The following HRH3 variants were observed in gnomAD, a reference collection of about 807,000 sequenced individuals.
HRH3 encodes histamine receptor H3.
In HRH3, 13 loss-of-function variants were observed where a neutral mutation model predicts 21.6. The ratio of observed to expected loss-of-function variants is 0.60; its 90% CI spans 0.39 to 0.96. The LOEUF is 0.96. HRH3 is among the 40% of genes least tolerant of loss of function. The probability of loss-of-function intolerance (pLI) is 0.00; values close to 1 mark genes in which losing one functional copy is unlikely to be tolerated. For synonymous variants in HRH3, 276 were observed against 290.3 expected (o/e 0.95, Z 0.50); for missense variants, 461 against 622.7 (o/e 0.74, Z 2.76).
chr20:62,219,476 C>T lies in HRH3; in HGVS notation c.250+245G>A, dbSNP rs1181119800. ...CTGCACCCGCTGCCTTTGCGCCTTGCGCCTCGCCCAGTGCCCGTGTCCCTT... is the reference window on the plus strand; with the variant it reads ...CTGCACCCGCTGCCTTTGCGCCTTGTGCCTCGCCCAGTGCCCGTGTCCCTT... On this transcript the variant is annotated intron_variant, in intron 1 of 2. Transcript: ENST00000340177. The surrounding 1 kb of genome is among the most constrained non-coding windows in gnomAD (Gnocchi z 8.7). Among the ~76,000 whole-genome samples, 1 of 152,242 alleles carries T rather than the reference C, an allele frequency of 6.6e-6. No individual in the cohort carries two copies. The highest frequency in any genetic ancestry group is 2.4e-5 in the African/African-American group (1 of 41,462).
In HRH3 at chr20:62,219,563, GC is replaced by G. The variant is rs1568807279; in HGVS notation, c.250+157del. 2.6e-5 allele frequency among the ~76,000 whole-genome samples: 4 copies of G among 152,024 alleles called. No individual in the cohort carries two copies. The highest frequency in any genetic ancestry group is 2.1e-4 in the South Asian group (1 of 4,830). On this transcript the variant is annotated intron_variant, in intron 1 of 2. Coordinates refer to ENST00000340177, the MANE Select transcript of HRH3 (RefSeq NM_007232.3). This position sits in a 1 kb window ranked among gnomAD's most constrained non-coding sequence, Gnocchi z 8.7. ...CTGAGTGGCAAGGAACTTCGCCTGT[GC>G]CCCCCACCCCATGGGCTCCGGACGC... is the stretch of plus-strand genomic sequence containing the variant.
rs1233933388 is a variant in HRH3, at chr20:62,215,745, C to T, written c.*261G>A. On this transcript the variant is annotated 3_prime_UTR_variant, in exon 3 of 3. Transcript: ENST00000340177. The stretch of plus-strand genomic sequence containing the variant: ...AGGGGGTGGGCAGCATGTCTGGGAC[C>T]TCCAGACTGTCCCTCCCGGTGGAGC... The T allele has an allele frequency of 1.3e-5, 7 of 546,850 alleles. No homozygotes were observed. 33.9% of individuals were successfully genotyped at this position (546,850 alleles called of 1,614,324 possible).
rs891633427 is a variant in HRH3 at position 62,219,412 on chromosome 20, C to T, written c.250+309G>A. Among the ~76,000 whole-genome samples, 2 of 152,152 alleles carry T rather than the reference C, an allele frequency of 1.3e-5. No homozygotes were observed. The highest frequency in any genetic ancestry group is 1.3e-4 in the Admixed American group (2 of 15,286). On this transcript the variant is annotated intron_variant, in intron 1 of 2. Transcript: ENST00000340177. This position sits in a 1 kb window ranked among gnomAD's most constrained non-coding sequence, Gnocchi z 8.7. The stretch of plus-strand genomic sequence containing the variant: ...CTGCGCCCTCCGCGCGTCCTAAGTC[C>T]GCAGCAGCCTTTGTTTGGCTACAGC...
In HRH3 at chr20:62,215,973, G is replaced by C; in HGVS notation, c.*33C>G. 1 of 1,528,170 alleles carries C rather than the reference G, an allele frequency of 6.5e-7. No homozygotes were observed. 94.7% of individuals were successfully genotyped at this position (1,528,170 alleles called of 1,614,324 possible). ...GATGCCCAGGAGACCTGGGCTGAGA[G>C]AGGCGTGGCTGAGGGAGGCTCTGGT... is the stretch of plus-strand genomic sequence containing the variant. On this transcript the variant is annotated 3_prime_UTR_variant, in exon 3 of 3. Coordinates refer to ENST00000340177, the MANE Select transcript of HRH3 (RefSeq NM_007232.3).
Position 62,219,679 on chromosome 20 carries a change from G to A in HRH3, c.250+42C>T. The A allele has an allele frequency of 1.3e-6, 2 of 1,570,560 alleles. No homozygotes were observed. Among genetic ancestry groups the A allele is most frequent in the Non-Finnish European group, 1.7e-6 (2 of 1,158,234 alleles). ...CAGTCCCCGCTGGCCCGGCCACGCT[G>A]GGCGCCCCTGGGTCCCCAGCGGCCA... On this transcript the variant is annotated intron_variant, in intron 1 of 2. Coordinates refer to ENST00000340177, the MANE Select transcript of HRH3 (RefSeq NM_007232.3). This position sits in a 1 kb window ranked among gnomAD's most constrained non-coding sequence, Gnocchi z 8.7.
In HRH3 at chr20:62,216,551, C is replaced by T. The variant is rs771366403; in HGVS notation, c.793G>A (p.Gly265Arg). Residue 265 changes from glycine (G) to arginine (R), a missense_variant, in exon 3 of 3, where the codon GGG becomes AGG. By Grantham distance (125) the Gly-to-Arg change is moderately radical. Coordinates refer to ENST00000340177, the MANE Select transcript of HRH3 (RefSeq NM_007232.3). ...PPGCWGCWQK[G>R]HGEAMPLHRY... ...TGCAGCGGCATGGCCTCCCCGTGCC[C>T]CTTCTGCCAGCAGCCCCAGCAGCCA... The T allele has an allele frequency of 6.2e-7, 1 of 1,604,506 alleles. No individual in the cohort carries two copies. Among genetic ancestry groups the T allele is most frequent in the Admixed American group, 1.7e-5 (1 of 59,302 alleles).
rs1047078118 is a variant in HRH3, at chr20:62,219,117, T to C, written c.251-460A>G. Among the ~76,000 whole-genome samples, 1 of 151,970 alleles carries C rather than the reference T, an allele frequency of 6.6e-6. No individual in the cohort carries two copies. The highest frequency in any genetic ancestry group is 1.5e-5 in the Non-Finnish European group (1 of 67,936). On this transcript the variant is annotated intron_variant, in intron 1 of 2. Transcript: ENST00000340177. This position sits in a 1 kb window ranked among gnomAD's most constrained non-coding sequence, Gnocchi z 8.7. Reference sequence around the variant, plus strand: ...TTCTCCTGGCTGAAAGGGCACTTGGTTGCAGCCGCCAGCCGCCAGCCGCTA... The same window carrying C: ...TTCTCCTGGCTGAAAGGGCACTTGGCTGCAGCCGCCAGCCGCCAGCCGCTA...
In HRH3 at chr20:62,220,238, G is replaced by C. The variant is rs1601124589; in HGVS notation, c.-268C>G. The C allele has an allele frequency of 6.6e-6, 1 of 152,362 alleles. No homozygotes were observed. Among genetic ancestry groups the C allele is most frequent in the East Asian group, 2.0e-4 (1 of 5,108 alleles). 9.4% of individuals were successfully genotyped at this position (152,362 alleles called of 1,614,324 possible). A position where few individuals can be genotyped will look rare whatever the true frequency, so the allele number is the denominator to read the frequency against. ...AGGAGCCGGAGCCTGAGCCGCTGCC[G>C]GTGCGACCGTGCAGCCGGAGCGCAA... On this transcript the variant is annotated 5_prime_UTR_variant, in exon 1 of 3. Transcript: ENST00000340177.
chr20:62,219,847 C>T lies in HRH3; in HGVS notation c.124G>A (p.Ala42Thr). 3.8e-6 allele frequency: 6 copies of T among 1,567,668 alleles called. No homozygotes were observed. The highest frequency in any genetic ancestry group is 5.2e-6 in the Non-Finnish European group (6 of 1,160,710). ...AWTAVLAALM[A>T]LLIVATVLGN... ...AGCACCGTGGCCACGATGAGCAGCGCCATGAGCGCGGCCAGCACCGCGGTC... is the reference window on the plus strand; with the variant it reads ...AGCACCGTGGCCACGATGAGCAGCGTCATGAGCGCGGCCAGCACCGCGGTC... The change falls in exon 1 of 3, where the codon GCG becomes ACG. Residue 42 changes from alanine to threonine, a missense_variant. Ala to Thr is a moderately conservative substitution (Grantham distance 58, BLOSUM62 0). This residue lies in a region of HRH3 where 102 missense variants were observed against 155.6 expected (regional missense o/e 0.66). Transcript: ENST00000340177. This position sits in a 1 kb window ranked among gnomAD's most constrained non-coding sequence, Gnocchi z 8.7.
Position 62,218,374 on chromosome 20 carries a change from GGGA to G in HRH3, c.417+114_417+116del. 8.3e-7 allele frequency: 1 copy of G among 1,205,892 alleles called. No homozygotes were observed. The highest frequency in any genetic ancestry group is 1.1e-6 in the Non-Finnish European group (1 of 874,870). 74.7% of individuals were successfully genotyped at this position (1,205,892 alleles called of 1,614,324 possible). ...CCCATGTGTCAGCAGCAAAGCCAGT[GGGA>G]CCAAGCCCACTTCTGCCCACAACTC... On this transcript the variant is annotated intron_variant, in intron 2 of 2. Transcript: ENST00000340177. The surrounding 1 kb of genome is among the most constrained non-coding windows in gnomAD (Gnocchi z 5.6).
In HRH3 at chr20:62,216,558, C is replaced by A; in HGVS notation, c.786G>T (p.Trp262Cys). The change falls in exon 3 of 3, where the codon TGG (tryptophan) becomes TGT (cysteine). Residue 262 changes from tryptophan (W) to cysteine (C), a missense_variant. Physicochemically the swap from Trp to Cys is radical, Grantham distance 215 (BLOSUM62 -2). This residue lies in a region of HRH3 where 163 missense variants were observed against 139.4 expected (regional missense o/e 1.17). Coordinates refer to ENST00000340177, the MANE Select transcript of HRH3 (RefSeq NM_007232.3). ...GCATGGCCTCCCCGTGCCCCTTCTG[C>A]CAGCAGCCCCAGCAGCCAGGCGGTG... ...PPPPPGCWGC[W>C]QKGHGEAMPL... 6.2e-7 allele frequency: 1 copy of A among 1,604,084 alleles called. No homozygotes were observed. Among genetic ancestry groups the A allele is most frequent in the Non-Finnish European group, 8.5e-7 (1 of 1,175,718 alleles).
Position 62,215,148 on chromosome 20 carries a change from C to T in HRH3, c.*858G>A. 1 of 357,630 alleles carries T rather than the reference C, an allele frequency of 2.8e-6. No individual in the cohort carries two copies. Among genetic ancestry groups the T allele is most frequent in the East Asian group, 7.4e-5 (1 of 13,598 alleles). The allele number at this position is 357,630 out of a possible 1,614,324, so 22.2% of individuals were successfully genotyped here. A position where few individuals can be genotyped will look rare whatever the true frequency, so the allele number is the denominator to read the frequency against. The stretch of plus-strand genomic sequence containing the variant: ...GGACCCTCGGGCCCAGCCGGGCCCC[C>T]TCCTCCCAACAACCCCCAGAGGTCC... On this transcript the variant is annotated 3_prime_UTR_variant, in exon 3 of 3. Transcript: ENST00000340177.
In HRH3 at chr20:62,216,794, G is replaced by A; in HGVS notation, c.550C>T (p.Pro184Ser). Residue 184 changes from proline to serine, a missense_variant, in exon 3 of 3, where the codon CCC (proline) becomes TCC (serine). This residue lies in a region of HRH3 where 74 missense variants were observed against 86.6 expected (regional missense o/e 0.85). Transcript: ENST00000340177. ...AACTCGGCATAGCAGTGGCCCTCGGGGATGGAGCTGCCCCCGGACAGGTAC... is the reference window on the plus strand; with the variant it reads ...AACTCGGCATAGCAGTGGCCCTCGGAGATGGAGCTGCCCCCGGACAGGTAC... The part of the protein sequence containing the change: ...WEYLSGGSSI[P>S]EGHCYAEFFY... The A allele has an allele frequency of 6.2e-7, 1 of 1,613,052 alleles. No homozygotes were observed. Among genetic ancestry groups the A allele is most frequent in the South Asian group, 1.1e-5 (1 of 91,086 alleles).
rs1299086553 is a variant in HRH3, at chr20:62,219,466, T to C, written c.250+255A>G. Among the ~76,000 whole-genome samples, 1 of 152,210 alleles carries C rather than the reference T, an allele frequency of 6.6e-6. No individual in the cohort carries two copies. The highest frequency in any genetic ancestry group is 1.5e-5 in the Non-Finnish European group (1 of 68,026). ...GGAGCCAGAGCTGCACCCGCTGCCTTTGCGCCTTGCGCCTCGCCCAGTGCC... is the reference window on the plus strand; with the variant it reads ...GGAGCCAGAGCTGCACCCGCTGCCTCTGCGCCTTGCGCCTCGCCCAGTGCC... On this transcript the variant is annotated intron_variant, in intron 1 of 2. Transcript: ENST00000340177. The surrounding 1 kb of genome is among the most constrained non-coding windows in gnomAD (Gnocchi z 8.7).
chr20:62,219,758 G>A lies in HRH3; in HGVS notation c.213C>T (p.Phe71=). Residue 71 remains phenylalanine, a synonymous_variant, in exon 1 of 3, where the codon TTC becomes TTT. Coordinates refer to ENST00000340177, the MANE Select transcript of HRH3 (RefSeq NM_007232.3). The surrounding 1 kb of genome is among the most constrained non-coding windows in gnomAD (Gnocchi z 8.7). Reference sequence around the variant, plus strand: ...CGGAGATGGCGAGGTTGAGCAGGAAGAAGTTGTTCTGGGTGCGGAGGCTCG... The same window carrying A: ...CGGAGATGGCGAGGTTGAGCAGGAAAAAGTTGTTCTGGGTGCGGAGGCTCG... The part of the protein sequence containing the change: ...ADSSLRTQNN[F]FLLNLAISDF... 3.1e-6 allele frequency: 5 copies of A among 1,605,664 alleles called. No individual in the cohort carries two copies. The highest frequency in any genetic ancestry group is 4.3e-6 in the Non-Finnish European group (5 of 1,176,276).
chr20:62,219,765 T>C lies in HRH3; in HGVS notation c.206A>G (p.Asn69Ser). 4.4e-6 allele frequency: 7 copies of C among 1,605,272 alleles called. No homozygotes were observed. The highest frequency in any genetic ancestry group is 6.0e-6 in the Non-Finnish European group (7 of 1,176,062). Reference protein sequence around the residue: ...FVADSSLRTQNNFFLLNLAIS... With the variant: ...FVADSSLRTQSNFFLLNLAIS... Reference sequence around the variant, plus strand: ...GGCGAGGTTGAGCAGGAAGAAGTTGTTCTGGGTGCGGAGGCTCGAGTCGGC... The same window carrying C: ...GGCGAGGTTGAGCAGGAAGAAGTTGCTCTGGGTGCGGAGGCTCGAGTCGGC... The change falls in exon 1 of 3, where the codon AAC becomes AGC. Residue 69 changes from asparagine to serine, a missense_variant. By Grantham distance (46) the Asn-to-Ser change is conservative. Transcript: ENST00000340177. This position sits in a 1 kb window ranked among gnomAD's most constrained non-coding sequence, Gnocchi z 8.7.
In HRH3 at chr20:62,216,806, C is replaced by G; in HGVS notation, c.538G>C (p.Gly180Arg). Reference sequence around the variant, plus strand: ...CAGTGGCCCTCGGGGATGGAGCTGCCCCCGGACAGGTACTCCCAGCTCAGG... The same window carrying G: ...CAGTGGCCCTCGGGGATGGAGCTGCGCCCGGACAGGTACTCCCAGCTCAGG... ...AILSWEYLSGGSSIPEGHCYA... is the reference protein window; with the variant it reads ...AILSWEYLSGRSSIPEGHCYA... Residue 180 changes from glycine (G) to arginine (R), a missense_variant, in exon 3 of 3, where the codon GGC (glycine) becomes CGC (arginine). By Grantham distance (125) the Gly-to-Arg change is moderately radical. Coordinates refer to ENST00000340177, the MANE Select transcript of HRH3 (RefSeq NM_007232.3). 6.2e-7 allele frequency: 1 copy of G among 1,612,982 alleles called. No individual in the cohort carries two copies. Among genetic ancestry groups the G allele is most frequent in the Non-Finnish European group, 8.5e-7 (1 of 1,179,992 alleles).
chr20:62,215,072 C>T lies in HRH3; in HGVS notation c.*934G>A, dbSNP rs1568803814. ...CGTGGCACGGGTGCACAGCACATGG[C>T]GAAGCGGCCCCTGCCCGGGCACCTC... On this transcript the variant is annotated 3_prime_UTR_variant, in exon 3 of 3. Coordinates refer to ENST00000340177, the MANE Select transcript of HRH3 (RefSeq NM_007232.3). 3 of 330,262 alleles carry T rather than the reference C, an allele frequency of 9.1e-6. No individual in the cohort carries two copies. The highest frequency in any genetic ancestry group is 2.5e-5 in the South Asian group (1 of 40,382). 20.5% of individuals were successfully genotyped at this position (330,262 alleles called of 1,614,324 possible).
chr20:62,218,685 C>G lies in HRH3; in HGVS notation c.251-28G>C. On this transcript the variant is annotated intron_variant, in intron 1 of 2. Transcript: ENST00000340177. The surrounding 1 kb of genome is among the most constrained non-coding windows in gnomAD (Gnocchi z 5.6). Reference sequence around the variant, plus strand: ...GTGGGGAGTAGGGCCACAGTGGGACCATGCAGCCAGGGGCCAGGGGACAGA... The same window carrying G: ...GTGGGGAGTAGGGCCACAGTGGGACGATGCAGCCAGGGGCCAGGGGACAGA... 6.2e-7 allele frequency: 1 copy of G among 1,606,084 alleles called. No homozygotes were observed. Among genetic ancestry groups the G allele is most frequent in the Non-Finnish European group, 8.5e-7 (1 of 1,176,790 alleles).
Sources: gnomAD v4.1 joint callset for allele counts (sites outside exome capture counted in the v4.1 genomes callset) on GRCh38, gnomAD v4.1.1 for gene constraint, gnomAD v4.1.1 regional missense constraint, Gnocchi (gnomAD v3.1) non-coding constraint, MANE v1.5 for transcripts, NCBI Gene and HGNC (gene_info 2026-07-23, HGNC 2026-07-21) for gene names.